CIB1: variants seen among roughly 807,000 people sequenced by gnomAD.
CIB1 encodes calcium and integrin-binding protein 1.
A neutral mutation model predicts 25.0 loss-of-function variants in CIB1; 19 were observed. That is an observed-to-expected ratio of 0.76 (90% confidence interval 0.53 to 1.12). The LOEUF (loss-of-function observed/expected upper bound fraction) is 1.12. CIB1 is among the 50% of genes most tolerant of loss of function. The pLI, the probability that CIB1 is intolerant of heterozygous loss-of-function variation, is 0.00. For synonymous variants in CIB1, 104 were observed against 98.5 expected (o/e 1.06, Z -0.33); for missense variants, 236 against 242.6 (o/e 0.97, Z 0.18).
intron 3 of CIB1, 77 bp downstream of exon 3, chr15:90,232,142 C>T: frequency 1.7e-6 from 2 of 1,160,688 alleles, no homozygotes; most frequent in Non-Finnish European, 2.5e-6. Flanking sequence ...GATCCCAAAG[C>T]TAGTGGCAGA....
chr15:90,253,007 A>G, the CIB1 span, among the ~76,000 whole-genome samples: 1 of 152,136 alleles, frequency 6.6e-6, no homozygotes, highest in Admixed American at 6.6e-5. Flanking sequence ...TAAAAAACAA[A>G]CAAACAAACA....
the CIB1 span, among the ~76,000 whole-genome samples, chr15:90,252,502 T>C: frequency 6.6e-6 from 1 of 152,138 alleles, no homozygotes; most frequent in Admixed American, 6.5e-5. Flanking sequence ...TTACCAGAGA[T>C]GAGACAAGCT....
chr15:90,262,030 T>C, the CIB1 span: 12,766 of 1,535,124 alleles, frequency 8.3e-3, 709 homozygotes, highest in African/African-American at 0.14. Context: ...AGTCATCCCA[T>C]GTGGCAATGC....
At chr15:90,251,126 T>G in the CIB1 span, among the ~76,000 whole-genome samples, 1 of 142,634 alleles carries the variant, frequency 7.0e-6, no homozygotes, top group Admixed American at 7.2e-5. Flanking sequence ...TTTTTTTTTT[T>G]TTTTTGAGAC....
At chr15:90,241,933 A>C in the CIB1 span, 1 of 1,614,144 alleles carries the variant, frequency 6.2e-7, no homozygotes, top group East Asian at 2.2e-5. Context: ...CTCCCTGTCA[A>C]AACATCCCAG....
At chr15:90,241,966 C>T in the CIB1 span, 3 of 1,613,956 alleles carry the variant, frequency 1.9e-6, no homozygotes, top group Non-Finnish European at 2.5e-6. Flanking sequence ...CTGACAGAGG[C>T]AGCTGCTGTG....
the CIB1 span, chr15:90,259,048 A>T: frequency 2.6e-6 from 4 of 1,547,698 alleles, no homozygotes; most frequent in Non-Finnish European, 2.6e-6. Context: ...TTGCATAGAT[A>T]ATATGTTCAT....
At chr15:90,250,646 T>A in the CIB1 span, 1 of 1,614,040 alleles carries the variant, frequency 6.2e-7, no homozygotes, top group Non-Finnish European at 8.5e-7. Flanking sequence ...GCCGAGTACC[T>A]GTAGGACCAT....
rs762909077 is a variant in CIB1 at position 90,231,387 on chromosome 15, T to C, written c.316A>G (p.Ile106Val). ...ATGCGGAAGGCATAATGGGACTTGATGTCTGGCGTGGCTGTGTCACTGAAC... is the reference window on the plus strand; with the variant it reads ...ATGCGGAAGGCATAATGGGACTTGACGTCTGGCGTGGCTGTGTCACTGAAC... ...SVFSDTATPD[I>V]KSHYAFRIFD... Residue 106 changes from isoleucine (I) to valine (V), a missense_variant, in exon 4 of 7, where the codon ATC becomes GTC. Transcript: ENST00000328649. The C allele has an allele frequency of 4.3e-6, 7 of 1,614,084 alleles. No homozygotes were observed. The highest frequency in any genetic ancestry group is 3.3e-5 in the South Asian group (3 of 91,094).
chr15:90,252,657 C>T, the CIB1 span, among the ~76,000 whole-genome samples: 1 of 152,076 alleles, frequency 6.6e-6, no homozygotes, highest in Non-Finnish European at 1.5e-5. Context: ...CCAGTGTGAC[C>T]CCACCTATAG....
the CIB1 span, chr15:90,263,733 C>A: frequency 2.9e-6 from 2 of 680,480 alleles, no homozygotes; most frequent in Non-Finnish European, 5.4e-6. Context: ...CTGCTCTTCT[C>A]CTCTAGCCTA....
the CIB1 span, chr15:90,257,102 G>A: frequency 6.3e-7 from 1 of 1,597,148 alleles, no homozygotes. Flanking sequence ...CACTTCAAAA[G>A]TGTTATTATT....
the CIB1 span, chr15:90,241,586 C>T: frequency 6.2e-7 from 1 of 1,613,548 alleles, no homozygotes; most frequent in South Asian, 1.1e-5. Context: ...ACCTGGCCCA[C>T]AGACTGCCCG....
At chr15:90,255,368 T>C in the CIB1 span, among the ~76,000 whole-genome samples, 1 of 152,168 alleles carries the variant, frequency 6.6e-6, no homozygotes, top group Admixed American at 6.5e-5. Flanking sequence ...CTTTTATCTT[T>C]TGTGTCTTTT....
At chr15:90,262,376 G>C in the CIB1 span, 6 of 1,214,674 alleles carry the variant, frequency 4.9e-6, no homozygotes, top group Non-Finnish European at 6.6e-6. Context: ...CATTGCTCTC[G>C]CATCAGTCCT....
the CIB1 span, among the ~76,000 whole-genome samples, chr15:90,248,752 A>G: frequency 8.0e-6 from 1 of 125,588 alleles, no homozygotes; most frequent in African/African-American, 3.3e-5. Flanking sequence ...AAAAAAAAAA[A>G]AAAAAAGTCC....
chr15:90,232,487 C>G (rs940187286), intron 2 of CIB1, 160 bp from the exon 3 acceptor site: 6 of 1,218,262 alleles, frequency 4.9e-6, no homozygotes, highest in Non-Finnish European at 6.6e-6. Flanking sequence ...AAGGACATGT[C>G]ACAAGGCAGT....
At chr15:90,256,551 TTCTTTCTTTC>T in the CIB1 span, among the ~76,000 whole-genome samples, 10 of 25,212 alleles carry the variant, frequency 4.0e-4, no homozygotes, top group East Asian at 1.7e-3. Flanking sequence ...TCCTTTTTCT[TTCTTTCTTTC>T]TTTCTTTCTT....
chr15:90,265,505 C>T, the CIB1 span: 1 of 1,402,930 alleles, frequency 7.1e-7, no homozygotes. Flanking sequence ...TCATTTCGGC[C>T]CTCACGTTTC....
Sources: gnomAD v4.1 joint callset for allele counts (sites outside exome capture counted in the v4.1 genomes callset) on GRCh38, gnomAD v4.1.1 for gene constraint, MANE v1.5 for transcripts, NCBI Gene and HGNC (gene_info 2026-07-23, HGNC 2026-07-21) for gene names.